KLHDC1: variants seen among roughly 807,000 people sequenced by gnomAD.
The protein encoded by KLHDC1 is kelch domain containing 1.
A neutral mutation model predicts 68.3 loss-of-function variants in KLHDC1; 53 were observed. The ratio of observed to expected loss-of-function variants is 0.78; its 90% CI spans 0.62 to 0.98. KLHDC1 has a LOEUF of 0.98. Ranked by LOEUF, KLHDC1 falls within the 50% of genes least tolerant of loss-of-function variation. KLHDC1 has a pLI of 0.00. For missense variants in KLHDC1, 470 were observed against 492.3 expected, an observed-to-expected ratio of 0.95 and a Z score of 0.43; for synonymous variants, 148 against 159.0, an observed-to-expected ratio of 0.93 and a Z score of 0.52.
intron 4 of KLHDC1, among the ~76,000 whole-genome samples, chr14:49,713,113 G>C (rs751264027): frequency 7.9e-5 from 12 of 151,238 alleles, no homozygotes; most frequent in Non-Finnish European, 1.6e-4. Flanking sequence ...CCACACCCGG[G>C]TAATTTTTTT....
chr14:49,710,871 A>G (rs1888179824), intron 4 of KLHDC1, among the ~76,000 whole-genome samples: 1 of 152,040 alleles, frequency 6.6e-6, no homozygotes, highest in Non-Finnish European at 1.5e-5. Context: ...GGTTTTTCAC[A>G]TTTTTATTCT....
intron 6 of KLHDC1, among the ~76,000 whole-genome samples, chr14:49,726,378 G>A (rs897075101): frequency 2.6e-5 from 4 of 151,966 alleles, no homozygotes; most frequent in Non-Finnish European, 5.9e-5. Context: ...TTCTAGCCTG[G>A]GCAACATAGT....
intron 8 of KLHDC1, among the ~76,000 whole-genome samples, chr14:49,730,448 T>G (rs889963263): frequency 9.2e-5 from 14 of 151,964 alleles, no homozygotes; most frequent in Non-Finnish European, 1.9e-4. Context: ...TCTCGATCTC[T>G]TGACCTTGTG....
intron 1 of KLHDC1, among the ~76,000 whole-genome samples, chr14:49,693,605 C>T (rs1251819729): frequency 2.0e-5 from 3 of 151,898 alleles, no homozygotes; most frequent in Non-Finnish European, 4.4e-5. Flanking sequence ...TAATTATTAT[C>T]CTTAAATACT....
At position 49,701,220 on chromosome 14, in the gene KLHDC1, G is replaced by C. The variant is rs74596816; in HGVS notation, c.96+7930G>C. Among the ~76,000 whole-genome samples the C allele has an allele frequency of 6.8e-4, 104 of 152,270 alleles. 1 individual carries two copies. The East Asian group carries it at 0.02, about 29-fold the overall frequency. On this transcript the variant is annotated intron_variant, in intron 1 of 12. Coordinates refer to ENST00000359332, the MANE Select transcript of KLHDC1 (RefSeq NM_172193.3). Reference sequence around the variant, plus strand: ...TTATGCAATAAATGATCCTAGGATAGCTAGAGGAAAATATTCTTGGTGCCT... The same window carrying C: ...TTATGCAATAAATGATCCTAGGATACCTAGAGGAAAATATTCTTGGTGCCT...
At position 49,710,459 on chromosome 14, in the gene KLHDC1, A is replaced by G. The variant is rs148528354; in HGVS notation, c.404+78A>G. The stretch of plus-strand genomic sequence containing the variant: ...GCTTTGGCTAAAATACAGAATGCTT[A>G]AAGGTATGAGTTTTTTTCAGGATTG... On this transcript the variant is annotated intron_variant, in intron 4 of 12. Transcript: ENST00000359332. 970 of 757,326 alleles carry G rather than the reference A, an allele frequency of 1.3e-3. 10 individuals are homozygous for G. In the East Asian group the frequency reaches 0.022, roughly 17 times the overall value. The allele number at this position is 757,326 out of a possible 1,614,324, so 46.9% of individuals were successfully genotyped here.
In KLHDC1 at chr14:49,720,461, T is replaced by G. The variant is rs546997034; in HGVS notation, c.405-3413T>G. ...TGTGACAAATTTACTCTCATTTGTG[T>G]TTTTGTTTCTCTGTATGTGTCTTTT... On this transcript the variant is annotated intron_variant, in intron 4 of 12. Transcript: ENST00000359332. 1.1e-4 allele frequency among the ~76,000 whole-genome samples: 16 copies of G among 152,248 alleles called. No homozygotes were observed. The South Asian group carries it at 3.1e-3, about 30-fold the overall frequency.
At chr14:49,693,742 C>CTTTTTATTTTTTTTTTTTT (rs1566589138) in intron 1 of KLHDC1, among the ~76,000 whole-genome samples, 1 of 60,926 alleles carries the variant, frequency 1.6e-5, no homozygotes, top group African/African-American at 5.4e-5. Context: ...ATTTTCTTTT[C>CTTTTTATTTTTTTTTTTTT]TTTTTCTTTT....
At chr14:49,745,396 G>T (rs138019864) in intron 12 of KLHDC1, among the ~76,000 whole-genome samples, 1 of 152,160 alleles carries the variant, frequency 6.6e-6, no homozygotes, top group Non-Finnish European at 1.5e-5. Flanking sequence ...TTCCTCATAT[G>T]CAGGGATCAA....
At chr14:49,749,701 A>G (rs1037893252) in intron 12 of KLHDC1, among the ~76,000 whole-genome samples, 30 of 151,904 alleles carry the variant, frequency 2.0e-4, no homozygotes, top group African/African-American at 5.8e-4. Flanking sequence ...AAAAAAAGAA[A>G]TACAATTTAT....
chr14:49,732,883 T>TA (rs758561845), intron 9 of KLHDC1, 67 bp downstream of exon 9: 33 of 800,068 alleles, frequency 4.1e-5, no homozygotes, highest in Non-Finnish European at 6.7e-5. Context: ...ATTTCATACT[T>TA]ACAGTGAAGT....
chr14:49,744,406 C>T (rs949519500), intron 12 of KLHDC1, among the ~76,000 whole-genome samples: 1 of 151,844 alleles, frequency 6.6e-6, no homozygotes, highest in African/African-American at 2.4e-5. Context: ...TACTATATTT[C>T]CTTAATTCTA....
chr14:49,701,045 G>A (rs1182987690), intron 1 of KLHDC1, among the ~76,000 whole-genome samples: 4 of 151,358 alleles, frequency 2.6e-5, no homozygotes, highest in African/African-American at 9.7e-5. Flanking sequence ...TGGCGCCATT[G>A]CATTCCAGCC....
At chr14:49,735,219 A>G (rs1888903439) in intron 10 of KLHDC1, among the ~76,000 whole-genome samples, 5 of 151,898 alleles carry the variant, frequency 3.3e-5, no homozygotes, top group Admixed American at 3.3e-4. Flanking sequence ...CTATTATTAA[A>G]CTACAAAGAA....
intron 1 of KLHDC1, among the ~76,000 whole-genome samples, chr14:49,704,680 G>A (rs2139733390): frequency 6.6e-6 from 1 of 152,230 alleles, no homozygotes; most frequent in East Asian, 1.9e-4. Flanking sequence ...ACAAGCATGA[G>A]CCACTGTGCC....
rs1888654760 is a variant in KLHDC1, at chr14:49,725,711, A to G, written c.509A>G (p.His170Arg). The G allele has an allele frequency of 6.9e-7, 1 of 1,452,352 alleles. No individual in the cohort carries two copies. 90.0% of individuals were successfully genotyped at this position (1,452,352 alleles called of 1,614,324 possible). Residue 170 changes from histidine (H) to arginine (R), a missense_variant, in exon 6 of 13, where the codon CAT (histidine) becomes CGT (arginine). Physicochemically the swap from His to Arg is conservative, Grantham distance 29. Coordinates refer to ENST00000359332, the MANE Select transcript of KLHDC1 (RefSeq NM_172193.3). ...SWEEQIFWGW[H>R]NDVHIFDTKT... is the part of the protein sequence containing the mutation. ...GAAGAGCAGATATTCTGGGGATGGC[A>G]TAATGATGTCCACATATTTGACACA...
chr14:49,714,750 C>G (rs771953178), intron 4 of KLHDC1, among the ~76,000 whole-genome samples: 13 of 150,998 alleles, frequency 8.6e-5, no homozygotes, highest in Non-Finnish European at 1.8e-4. Context: ...TTATTTGACT[C>G]AAATACTCTG....
intron 1 of KLHDC1, among the ~76,000 whole-genome samples, chr14:49,703,515 G>A (rs1475524522): frequency 6.6e-6 from 1 of 151,916 alleles, no homozygotes; most frequent in Non-Finnish European, 1.5e-5. Flanking sequence ...GCTAATTTTT[G>A]TATTTGTAGT....
At chr14:49,695,144 G>GTGTGTGTGTA (rs1485169017) in intron 1 of KLHDC1, among the ~76,000 whole-genome samples, 1 of 151,678 alleles carries the variant, frequency 6.6e-6, no homozygotes, top group Non-Finnish European at 1.5e-5. Context: ...GTGTGTGTGT[G>GTGTGTGTGTA]TGTGTTTTGA....
Sources: allele counts gnomAD v4.1 joint callset (sites outside exome capture counted in the v4.1 genomes callset), GRCh38; gene constraint gnomAD v4.1.1; transcripts MANE v1.5; gene names NCBI Gene and HGNC (gene_info 2026-07-23, HGNC 2026-07-21).